The following USH2A variants were observed in gnomAD, a reference collection of about 807,000 sequenced individuals.
USH2A encodes the protein usherin.
USH2A carries 443 observed loss-of-function variants against 538.9 expected under a neutral mutation model. The ratio of observed to expected loss-of-function variants is 0.82; its 90% CI spans 0.76 to 0.89. The LOEUF (loss-of-function observed/expected upper bound fraction) is 0.89, where lower values mean the gene tolerates loss of function less well. Ranked by LOEUF, USH2A falls within the 40% of genes least tolerant of loss-of-function variation. The probability of loss-of-function intolerance (pLI) is 0.00; values close to 1 mark genes in which losing one functional copy is unlikely to be tolerated. For synonymous variants in USH2A, 2,413 were observed against 2,273.5 expected (o/e 1.06, Z -1.75); for missense variants, 6,633 against 6,324.8 (o/e 1.05, Z -1.65).
chr1:216,402,142 T>A (rs1035688640), intron 3 of USH2A, among the ~76,000 whole-genome samples: 1 of 152,142 alleles, frequency 6.6e-6, no homozygotes, highest in Non-Finnish European at 1.5e-5. Context: ...TTCACCAAGA[T>A]AGACTACATT....
chr1:215,686,768 C>CAATAAGTATAG (rs71303018), intron 61 of USH2A, among the ~76,000 whole-genome samples: 30,381 of 151,682 alleles, frequency 0.2, 3,276 homozygotes, highest in Non-Finnish European at 0.23. Context: ...ATTATTCAGC[C>CAATAAGTATAG]AATAAGTATA....
At chr1:216,055,437 C>T (rs960860495) in intron 30 of USH2A, among the ~76,000 whole-genome samples, 2 of 152,150 alleles carry the variant, frequency 1.3e-5, no homozygotes, top group Admixed American at 6.5e-5. Flanking sequence ...CTGAGGATCC[C>T]GCTGCAGTGC....
At chr1:216,259,874 A>G (rs2036334518) in intron 11 of USH2A, among the ~76,000 whole-genome samples, 1 of 152,120 alleles carries the variant, frequency 6.6e-6, no homozygotes, top group African/African-American at 2.4e-5. Context: ...AGAGAAAACA[A>G]TAATGGAGAA....
chr1:215,630,470 GTATGTGTGTGTGTATA>G (rs1429866917), intron 70 of USH2A, among the ~76,000 whole-genome samples: 3 of 88,850 alleles, frequency 3.4e-5, no homozygotes, highest in Admixed American at 1.5e-4. Context: ...ATATGTATGT[GTATGTGTGTGTGTATA>G]TATATATATA....
intron 40 of USH2A, among the ~76,000 whole-genome samples, 170 bp downstream of exon 40, chr1:215,899,905 T>C (rs1185867277): frequency 3.3e-5 from 5 of 152,180 alleles, no homozygotes; most frequent in Non-Finnish European, 7.3e-5. Context: ...ATTATTCTTC[T>C]TTCTGGAGAG....
At chr1:215,969,639 A>G (rs949251059) in intron 36 of USH2A, among the ~76,000 whole-genome samples, 1 of 152,056 alleles carries the variant, frequency 6.6e-6, no homozygotes, top group African/African-American at 2.4e-5. Flanking sequence ...TGGGCTATAA[A>G]ATGCTTAATG....
intron 55 of USH2A, among the ~76,000 whole-genome samples, chr1:215,778,651 C>T (rs1410466880): frequency 2.0e-5 from 3 of 152,134 alleles, no homozygotes; most frequent in Non-Finnish European, 4.4e-5. Flanking sequence ...GTGCTATCAA[C>T]ACCCCCTGCA....
intron 3 of USH2A, among the ~76,000 whole-genome samples, chr1:216,381,066 A>T (rs1244060311): frequency 6.6e-6 from 1 of 152,168 alleles, no homozygotes; most frequent in Non-Finnish European, 1.5e-5. Flanking sequence ...AAGAAAAAAA[A>T]GTGCTATAGG....
intron 47 of USH2A, among the ~76,000 whole-genome samples, chr1:215,836,540 A>T (rs1426399268): frequency 1.2e-4 from 3 of 24,642 alleles, no homozygotes; most frequent in African/African-American, 4.6e-4. Flanking sequence ...ATATATATAT[A>T]TAATATATAT....
intron 35 of USH2A, among the ~76,000 whole-genome samples, chr1:215,980,542 G>T (rs1667726429): frequency 6.6e-6 from 1 of 151,996 alleles, no homozygotes; most frequent in Non-Finnish European, 1.5e-5. Flanking sequence ...ATAGAATGTT[G>T]CCAGCACCCC....
Position 215,693,695 on chromosome 1 carries a change from A to G in USH2A, c.12067-13319T>C, listed in dbSNP as rs142034965. On this transcript the variant is annotated intron_variant, in intron 61 of 71. Transcript: ENST00000307340. The stretch of plus-strand genomic sequence containing the variant: ...AGAATACTGAGACATGTATACGACT[A>G]GCCAGCAGAGTGACTACATCCTCAT... 2.2e-4 allele frequency among the ~76,000 whole-genome samples: 34 copies of G among 152,360 alleles called. No individual in the cohort carries two copies. In the East Asian group the frequency reaches 6.6e-3, roughly 29 times the overall value.
rs1460448108 is a variant in USH2A at position 215,630,517 on chromosome 1, T to G, written c.15298-1482A>C. On this transcript the variant is annotated intron_variant, in intron 70 of 71. Transcript: ENST00000307340. ...ATATATATATATATATATATATATA[T>G]ATATATATATGAGAGAGAGAAAGTT... Among the ~76,000 whole-genome samples, 179 of 104,600 alleles carry G rather than the reference T, an allele frequency of 1.7e-3. 2 individuals carry two copies. Among genetic ancestry groups the G allele is most frequent in the African/African-American group, 5.3e-3 (170 of 32,370 alleles). The allele number at this position is 104,600 out of a possible 152,430, so 68.6% of individuals were successfully genotyped here.
chr1:216,299,955 A>G (rs17042209), intron 9 of USH2A, among the ~76,000 whole-genome samples: 1,992 of 152,274 alleles, frequency 0.013, 93 homozygotes, highest in Admixed American at 0.084. Context: ...TTTGATCCTA[A>G]AGATGATACT....
intron 9 of USH2A, among the ~76,000 whole-genome samples, chr1:216,303,900 T>C (rs1260515065): frequency 6.6e-6 from 1 of 151,950 alleles, no homozygotes; most frequent in African/African-American, 2.4e-5. Context: ...ATGATCAATC[T>C]TTACAGTAAA....
chr1:216,389,926 CTTACAT>C (rs1479205975), intron 3 of USH2A, among the ~76,000 whole-genome samples: 2 of 151,984 alleles, frequency 1.3e-5, no homozygotes, highest in Non-Finnish European at 2.9e-5. Context: ...ATAATAGTGA[CTTACAT>C]TTACATCTTG....
At chr1:215,788,031 ATGTG>A (rs1270146518) in intron 51 of USH2A, among the ~76,000 whole-genome samples, 1 of 151,820 alleles carries the variant, frequency 6.6e-6, no homozygotes, top group Non-Finnish European at 1.5e-5. Flanking sequence ...CTATATATAT[ATGTG>A]TGTGTGTGTA....
At chr1:215,910,832 A>G (rs1269228597) in intron 38 of USH2A, among the ~76,000 whole-genome samples, 1 of 151,848 alleles carries the variant, frequency 6.6e-6, no homozygotes, top group Non-Finnish European at 1.5e-5. Context: ...TTCTCTCTGT[A>G]ATTTTCTTAC....
chr1:216,394,718 G>GTTTTTTTTTTT (rs1571775823), intron 3 of USH2A, among the ~76,000 whole-genome samples: 6 of 58,706 alleles, frequency 1.0e-4, no homozygotes, highest in Admixed American at 3.6e-4. Context: ...AACTGGTCCA[G>GTTTTTTTTTTT]TCTTTTTTTT....
intron 61 of USH2A, among the ~76,000 whole-genome samples, chr1:215,695,418 G>A (rs550381564): frequency 3.9e-5 from 6 of 152,090 alleles, no homozygotes; most frequent in Non-Finnish European, 8.8e-5. Context: ...AAGGTCCACA[G>A]AATCTAAAAA....
Sources: gnomAD v4.1 joint callset for allele counts (sites outside exome capture counted in the v4.1 genomes callset) on GRCh38, gnomAD v4.1.1 for gene constraint, MANE v1.5 for transcripts, NCBI Gene and HGNC (gene_info 2026-07-23, HGNC 2026-07-21) for gene names.